Variants in DMD observed in about 807,000 individuals in gnomAD.
DMD encodes the protein mutant dystrophin.
Under a neutral mutation model 330.1 loss-of-function variants are expected in DMD, and 63 were observed. The ratio of observed to expected loss-of-function variants is 0.19; its 90% CI spans 0.16 to 0.24. DMD has a LOEUF of 0.24. Ranked by LOEUF, DMD falls within the 10% of genes least tolerant of loss-of-function variation. DMD has a pLI of 1.00. For synonymous variants in DMD, 1,223 were observed against 959.8 expected, an observed-to-expected ratio of 1.27 and a Z score of -5.07; for missense variants, 3,344 against 2,684.1, an observed-to-expected ratio of 1.25 and a Z score of -5.43.
Position 33,184,977 on chromosome X carries a change from C to T in DMD, c.31+26305G>A, listed in dbSNP as rs1196132383. Reference sequence around the variant, plus strand: ...GACCTCGTGATGCTCCCACCTCGGCCTCCCAAAGTGCTGGGATTACAGATG... The same window carrying T: ...GACCTCGTGATGCTCCCACCTCGGCTTCCCAAAGTGCTGGGATTACAGATG... On this transcript the variant is annotated intron_variant, in intron 1 of 78. Transcript: ENST00000357033. Among the ~76,000 whole-genome samples the T allele has an allele frequency of 1.0e-4, 11 of 110,064 alleles. No homozygotes were observed. The East Asian group carries it at 3.1e-3, about 31-fold the overall frequency.
At chrX:31,446,385 T>C (rs1213665605) in intron 59 of DMD, among the ~76,000 whole-genome samples, 4 of 111,835 alleles carry the variant, frequency 3.6e-5, no homozygotes, top group African/African-American at 1.3e-4. Context: ...CACCACTGAA[T>C]TGTACACTTT....
At chrX:32,088,677 AGTGTGTGT>A (rs34596391) in intron 44 of DMD, among the ~76,000 whole-genome samples, 42 of 97,405 alleles carry the variant, frequency 4.3e-4, no homozygotes, top group South Asian at 1.5e-3. Flanking sequence ...ATAGCTCTGA[AGTGTGTGT>A]GTGTGTGTGT....
intron 44 of DMD, among the ~76,000 whole-genome samples, chrX:32,071,234 C>T (rs1198336776): frequency 2.7e-5 from 3 of 109,974 alleles, no homozygotes; most frequent in East Asian, 2.9e-4. Flanking sequence ...CCTGAGGAAT[C>T]GCCACACTGA....
At chrX:31,853,807 C>T (rs950083626) in intron 48 of DMD, among the ~76,000 whole-genome samples, 16 of 111,865 alleles carry the variant, frequency 1.4e-4, no homozygotes, top group African/African-American at 4.9e-4. Context: ...AATTGTGGGG[C>T]GTCCCCAAGT....
At chrX:31,406,759 A>T (rs982581725) in intron 60 of DMD, among the ~76,000 whole-genome samples, 11 of 111,362 alleles carry the variant, frequency 9.9e-5, no homozygotes, top group Non-Finnish European at 2.1e-4. Flanking sequence ...GGATCTGTCC[A>T]ATTGCAGAGC....
At chrX:31,306,878 T>C (rs1280820032) in intron 62 of DMD, among the ~76,000 whole-genome samples, 1 of 111,672 alleles carries the variant, frequency 9.0e-6, no homozygotes. Flanking sequence ...CCCCAAGCAA[T>C]ATTGATTTGC....
chrX:32,354,678 G>T (rs1263325726), intron 37 of DMD, among the ~76,000 whole-genome samples: 2 of 111,315 alleles, frequency 1.8e-5, no homozygotes, highest in African/African-American at 6.5e-5. Flanking sequence ...ATTCTTTTGA[G>T]AATAGATAAA....
intron 50 of DMD, among the ~76,000 whole-genome samples, chrX:31,787,553 G>C (rs749857254): frequency 8.1e-5 from 9 of 111,351 alleles, no homozygotes; most frequent in African/African-American, 1.6e-4. Flanking sequence ...CAGAGTTGCT[G>C]TTTCTTATGT....
At chrX:32,980,566 A>T (rs1219609140) in intron 2 of DMD, among the ~76,000 whole-genome samples, 1 of 109,628 alleles carries the variant, frequency 9.1e-6, no homozygotes, top group Non-Finnish European at 1.9e-5. Context: ...AGTCTCTACC[A>T]CCAGTTTTAC....
intron 51 of DMD, among the ~76,000 whole-genome samples, chrX:31,760,808 T>C (rs1056314121): frequency 9.0e-6 from 1 of 111,571 alleles, no homozygotes; most frequent in South Asian, 3.7e-4. Context: ...TATTTTTGCA[T>C]GTACGATAAT....
rs191305061 is a variant in DMD at position 31,800,317 on chromosome X, T to C, written c.7309+19658A>G. On this transcript the variant is annotated intron_variant, in intron 50 of 78. Transcript: ENST00000357033. ...GAATTCTAGGCAGAGGTTGCAAACCTCAATTCTTGACTTCTGTCCAACCCC... is the reference window on the plus strand; with the variant it reads ...GAATTCTAGGCAGAGGTTGCAAACCCCAATTCTTGACTTCTGTCCAACCCC... Among the ~76,000 whole-genome samples, 3 of 112,560 alleles carry C rather than the reference T, an allele frequency of 2.7e-5. No homozygotes were observed. In the East Asian group the frequency reaches 8.4e-4, roughly 32 times the overall value.
At chrX:31,493,366 AAAG>A (rs1410804757) in intron 57 of DMD, among the ~76,000 whole-genome samples, 1 of 112,637 alleles carries the variant, frequency 8.9e-6, no homozygotes, top group African/African-American at 3.2e-5. Context: ...AGAAGTGTGT[AAAG>A]AAAGATCTGG....
At chrX:31,584,607 A>G (rs2076498839) in intron 55 of DMD, among the ~76,000 whole-genome samples, 1 of 112,005 alleles carries the variant, frequency 8.9e-6, no homozygotes, top group African/African-American at 3.2e-5. Flanking sequence ...TGTGGTACAT[A>G]TACACTGTGG....
chrX:33,261,627 A>AACACACACACAC (rs56984530), intron 1 of DMD, among the ~76,000 whole-genome samples: 12 of 89,118 alleles, frequency 1.3e-4, no homozygotes, highest in Non-Finnish European at 1.8e-4. Context: ...ATACGGGAAG[A>AACACACACACAC]ACACACACAC....
At chrX:31,634,692 G>A (rs370050248) in intron 54 of DMD, among the ~76,000 whole-genome samples, 12 of 111,049 alleles carry the variant, frequency 1.1e-4, no homozygotes, top group African/African-American at 3.6e-4. Context: ...ATAGAGATTT[G>A]CGAATTTATC....
rs1217004499 is a variant in DMD, at chrX:31,121,440, GTA to G, written c.*477_*478del. 1.1e-4 allele frequency: 14 copies of G among 131,953 alleles called. No homozygotes were observed. In the South Asian group the frequency reaches 1.2e-3, roughly 11 times the overall value. 10.9% of individuals were successfully genotyped at this position (131,953 alleles called of 1,213,427 possible). A position where few individuals can be genotyped will look rare whatever the true frequency, so the allele number is the denominator to read the frequency against. On this transcript the variant is annotated 3_prime_UTR_variant, in exon 79 of 79. Transcript: ENST00000357033. ...GCCTCAAAGTTTTGTGTGTGTGTGT[GTA>G]TGTGTGTGTGTGTGTGTTTGTTTTG...
intron 47 of DMD, among the ~76,000 whole-genome samples, chrX:31,883,690 T>C (rs1208929821): frequency 9.0e-6 from 1 of 111,555 alleles, no homozygotes; most frequent in Non-Finnish European, 1.9e-5. Context: ...ATGAAATATG[T>C]TGCGTCCATT....
At chrX:32,406,172 T>C (rs938129288) in intron 30 of DMD, among the ~76,000 whole-genome samples, 1 of 111,626 alleles carries the variant, frequency 9.0e-6, no homozygotes, top group African/African-American at 3.3e-5. Flanking sequence ...TGGGGTTTTC[T>C]AGATATACAA....
Position 31,811,798 on chromosome X carries a change from C to T in DMD, c.7309+8177G>A, listed in dbSNP as rs373819880. ...CTCACGGAAATTTATTTGCCTAATC[C>T]TAAAGGTTCACCTGAAGCAGAATCA... On this transcript the variant is annotated intron_variant, in intron 50 of 78. Transcript: ENST00000357033. Among the ~76,000 whole-genome samples, 11 of 111,330 alleles carry T rather than the reference C, an allele frequency of 9.9e-5. No homozygotes were observed. In the East Asian group the frequency reaches 3.1e-3, roughly 31 times the overall value.
Sources: gnomAD v4.1 joint callset for allele counts (sites outside exome capture counted in the v4.1 genomes callset) on GRCh38, gnomAD v4.1.1 for gene constraint, MANE v1.5 for transcripts, NCBI Gene and HGNC (gene_info 2026-07-23, HGNC 2026-07-21) for gene names.